ST3GAL1: variants seen among roughly 807,000 people sequenced by gnomAD.
The protein encoded by ST3GAL1 is CMP-N-acetylneuraminate-beta-galactosamide-alpha-2,3-sialyltransferase 1.
Under a neutral mutation model 34.1 loss-of-function variants are expected in ST3GAL1, and 16 were observed. The observed-to-expected ratio is 0.47, with a 90% CI of 0.32 to 0.71. ST3GAL1 has a LOEUF of 0.71. Ranked by LOEUF, ST3GAL1 falls within the 30% of genes least tolerant of loss-of-function variation. ST3GAL1 has a pLI of 0.04. For synonymous variants in ST3GAL1, 191 were observed against 184.7 expected, an observed-to-expected ratio of 1.03 and a Z score of -0.28; for missense variants, 353 against 447.4, an observed-to-expected ratio of 0.79 and a Z score of 1.90.
At chr8:133,511,907 G>A (rs372837914) in intron 2 of ST3GAL1, among the ~76,000 whole-genome samples, 1 of 152,102 alleles carries the variant, frequency 6.6e-6, no homozygotes, top group African/African-American at 2.4e-5. Flanking sequence ...CAAAAAATTA[G>A]CTGGGCATGG....
chr8:133,508,610 G>T lies in ST3GAL1; in HGVS notation c.-428-9421C>A, dbSNP rs1053827083. Among the ~76,000 whole-genome samples, 1 of 152,064 alleles carries T rather than the reference G, an allele frequency of 6.6e-6. No individual in the cohort carries two copies. The highest frequency in any genetic ancestry group is 1.5e-5 in the Non-Finnish European group (1 of 68,008). On this transcript the variant is annotated intron_variant, in intron 2 of 9. Coordinates refer to ENST00000522652, the MANE Select transcript of ST3GAL1 (RefSeq NM_173344.3). This position sits in a 1 kb window ranked among gnomAD's most constrained non-coding sequence, Gnocchi z 4.1. ...AGACAATCTCAGAAGCAGGGCACTC[G>T]CTCAAATTCAGAGACCTTTCTCAAG...
At chr8:133,463,306 C>A in intron 8 of ST3GAL1, 108 bp downstream of exon 8, 1 of 1,255,608 alleles carries the variant, frequency 8.0e-7, no homozygotes, top group African/African-American at 1.5e-5. Flanking sequence ...CTACCTCCAG[C>A]GGCCTGGGGA....
intron 3 of ST3GAL1, among the ~76,000 whole-genome samples, chr8:133,498,269 A>G (rs1356799395): frequency 1.3e-5 from 2 of 152,226 alleles, no homozygotes; most frequent in African/African-American, 4.8e-5. Context: ...GTACATGTGG[A>G]CTGCAGGGAC....
chr8:133,532,774 G>A (rs925779887), intron 2 of ST3GAL1, among the ~76,000 whole-genome samples: 5 of 152,150 alleles, frequency 3.3e-5, no homozygotes, highest in African/African-American at 9.7e-5. Flanking sequence ...TCCTGCCCTT[G>A]TGCAGGATCT....
chr8:133,495,006 C>T (rs1395884521), intron 3 of ST3GAL1, among the ~76,000 whole-genome samples: 3 of 149,846 alleles, frequency 2.0e-5, no homozygotes, highest in Non-Finnish European at 4.4e-5. Context: ...GCAACCTTCA[C>T]CTCCTGGGTT....
intron 7 of ST3GAL1, 109 bp from the exon 8 acceptor site, chr8:133,463,568 C>T: frequency 8.1e-7 from 1 of 1,239,322 alleles, no homozygotes; most frequent in Admixed American, 2.0e-5. Context: ...CATAGCCTCT[C>T]CTGCCCCCCA....
Position 133,570,812 on chromosome 8 carries a change from G to C in ST3GAL1, c.-582+881C>G, listed in dbSNP as rs1402222772. On this transcript the variant is annotated intron_variant, in intron 1 of 9. Coordinates refer to ENST00000522652, the MANE Select transcript of ST3GAL1 (RefSeq NM_173344.3). This position sits in a 1 kb window ranked among gnomAD's most constrained non-coding sequence, Gnocchi z 5.6. ...CCCAGGGTCACCGCTGTCCGTCCCC[G>C]TGCGCTCCCAGAAGGGGTGGCCCTG... Among the ~76,000 whole-genome samples, 1 of 152,168 alleles carries C rather than the reference G, an allele frequency of 6.6e-6. No homozygotes were observed. Among genetic ancestry groups the C allele is most frequent in the Non-Finnish European group, 1.5e-5 (1 of 68,026 alleles).
intron 5 of ST3GAL1, among the ~76,000 whole-genome samples, chr8:133,470,252 T>C (rs939186847): frequency 2.0e-5 from 3 of 152,206 alleles, no homozygotes; most frequent in Non-Finnish European, 2.9e-5. Flanking sequence ...AAACCCGGTC[T>C]CTACTAAAAA....
intron 2 of ST3GAL1, among the ~76,000 whole-genome samples, chr8:133,543,320 C>T (rs1292825159): frequency 6.6e-6 from 1 of 152,188 alleles, no homozygotes; most frequent in Non-Finnish European, 1.5e-5. Flanking sequence ...TGCCAACTGG[C>T]TTTTCTTTTG....
chr8:133,491,338 C>T lies in ST3GAL1; in HGVS notation c.-374+7797G>A, dbSNP rs183678641. On this transcript the variant is annotated intron_variant, in intron 3 of 9. Transcript: ENST00000522652. ...GGAATTCCAGGGGTTGCACTATGCG[C>T]GCACCCAGGCTCACACCTGTCCCAG... Among the ~76,000 whole-genome samples the T allele has an allele frequency of 5.6e-4, 85 of 152,084 alleles. 1 individual carries two copies. The highest frequency in any genetic ancestry group is 3.5e-3 in the South Asian group (17 of 4,824).
At chr8:133,519,726 A>G (rs1360456835) in intron 2 of ST3GAL1, among the ~76,000 whole-genome samples, 1 of 152,110 alleles carries the variant, frequency 6.6e-6, no homozygotes, top group African/African-American at 2.4e-5. Flanking sequence ...TGGGTGGATC[A>G]CTTGAAGTCA....
intron 3 of ST3GAL1, among the ~76,000 whole-genome samples, chr8:133,480,807 T>A (rs1042798938): frequency 9.2e-5 from 14 of 152,230 alleles, no homozygotes; most frequent in African/African-American, 3.4e-4. Context: ...CCATTCCCTT[T>A]CTGATAACTT....
intron 1 of ST3GAL1, among the ~76,000 whole-genome samples, chr8:133,563,285 A>G (rs139264426): frequency 1.2e-3 from 188 of 152,308 alleles, no homozygotes; most frequent in African/African-American, 4.3e-3. Flanking sequence ...TAATTCTGCC[A>G]AATAATTTGG....
intron 7 of ST3GAL1, among the ~76,000 whole-genome samples, chr8:133,464,043 G>T (rs978070467): frequency 6.6e-6 from 1 of 151,854 alleles, no homozygotes; most frequent in African/African-American, 2.4e-5. Context: ...CACATCCGGG[G>T]GCTAGCTCTG....
intron 1 of ST3GAL1, among the ~76,000 whole-genome samples, chr8:133,548,204 T>G (rs540941877): frequency 1.3e-5 from 2 of 152,222 alleles, no homozygotes; most frequent in South Asian, 4.1e-4. Context: ...TCCTAGCCAG[T>G]CTTAAAATAG....
intron 5 of ST3GAL1, among the ~76,000 whole-genome samples, chr8:133,468,303 T>C (rs1815822785): frequency 6.6e-6 from 1 of 152,188 alleles, no homozygotes; most frequent in Non-Finnish European, 1.5e-5. Flanking sequence ...AATTTTGAAA[T>C]AGGTTACAAC....
At chr8:133,494,206 G>A (rs1217067719) in intron 3 of ST3GAL1, among the ~76,000 whole-genome samples, 1 of 152,190 alleles carries the variant, frequency 6.6e-6, no homozygotes, top group Non-Finnish European at 1.5e-5. Context: ...GGGAAGCAAT[G>A]TTCTCCCTAT....
intron 2 of ST3GAL1, among the ~76,000 whole-genome samples, chr8:133,522,296 T>C (rs1431932288): frequency 6.6e-6 from 1 of 152,128 alleles, no homozygotes; most frequent in East Asian, 1.9e-4. Context: ...CTAAAAAAAA[T>C]TGCAAATGGC....
intron 2 of ST3GAL1, among the ~76,000 whole-genome samples, chr8:133,540,782 T>TATATATATAGACATATATATAGAGAGAC (rs1563733942): frequency 4.4e-4 from 9 of 20,688 alleles, no homozygotes; most frequent in African/African-American, 1.9e-3. Context: ...TATAGAGACA[T>TATATATATAGACATATATATAGAGAGAC]ATATATATAT....
Sources: allele counts gnomAD v4.1 joint callset (sites outside exome capture counted in the v4.1 genomes callset), GRCh38; gene constraint gnomAD v4.1.1; non-coding constraint Gnocchi (gnomAD v3.1); transcripts MANE v1.5; gene names NCBI Gene and HGNC (gene_info 2026-07-23, HGNC 2026-07-21).